ZNF385D: variants seen among roughly 807,000 people sequenced by gnomAD.
ZNF385D encodes zinc finger protein 385D.
Under a neutral mutation model 35.8 loss-of-function variants are expected in ZNF385D, and 15 were observed. That is an observed-to-expected ratio of 0.42 (90% CI 0.28 to 0.64). ZNF385D has a LOEUF of 0.64. Ranked by LOEUF, ZNF385D falls within the 30% of genes least tolerant of loss-of-function variation. ZNF385D has a pLI of 0.23. For synonymous variants in ZNF385D, 212 were observed against 186.8 expected (o/e 1.13, Z -1.10); for missense variants, 474 against 494.6 (o/e 0.96, Z 0.39).
At chr3:22,241,607 C>T (rs1337189057) in intron 2 of ZNF385D, among the ~76,000 whole-genome samples, 1 of 151,126 alleles carries the variant, frequency 6.6e-6, no homozygotes, top group Non-Finnish European at 1.5e-5. Flanking sequence ...TGGCCCTTAA[C>T]AAATTAATTA....
intron 2 of ZNF385D, among the ~76,000 whole-genome samples, chr3:22,186,760 G>C (rs1052404173): frequency 1.3e-5 from 2 of 151,946 alleles, no homozygotes; most frequent in Admixed American, 6.6e-5. Context: ...AATATGTCTT[G>C]TTCAAAAGAA....
intron 1 of ZNF385D, among the ~76,000 whole-genome samples, chr3:21,747,310 T>A (rs2125543797): frequency 6.6e-6 from 1 of 152,326 alleles, no homozygotes; most frequent in East Asian, 1.9e-4. Context: ...TTAATTCTGT[T>A]TAAAGTGTAT....
At chr3:21,440,079 G>A (rs528005235) in intron 4 of ZNF385D, among the ~76,000 whole-genome samples, 1 of 152,092 alleles carries the variant, frequency 6.6e-6, no homozygotes, top group South Asian at 2.1e-4. Flanking sequence ...CCTTTTAACA[G>A]TGATAAAGGG....
intron 3 of ZNF385D, among the ~76,000 whole-genome samples, chr3:22,021,604 G>T (rs1371486757): frequency 6.6e-6 from 1 of 152,032 alleles, no homozygotes; most frequent in Non-Finnish European, 1.5e-5. Context: ...AACACAGGTA[G>T]TGTTTAGCTC....
chr3:22,020,900 T>A (rs1022762253), intron 3 of ZNF385D, among the ~76,000 whole-genome samples: 1 of 151,944 alleles, frequency 6.6e-6, no homozygotes, highest in Non-Finnish European at 1.5e-5. Context: ...GGTCATTAGA[T>A]AAGGAAAATA....
intron 3 of ZNF385D, among the ~76,000 whole-genome samples, chr3:21,858,795 G>A (rs947743580): frequency 6.6e-6 from 1 of 152,006 alleles, no homozygotes; most frequent in Non-Finnish European, 1.5e-5. Flanking sequence ...AGTTCTCCAC[G>A]TAACTCCTCC....
At chr3:21,495,507 A>T (rs1205063790) in intron 4 of ZNF385D, among the ~76,000 whole-genome samples, 2 of 152,316 alleles carry the variant, frequency 1.3e-5, no homozygotes, top group East Asian at 3.9e-4. Flanking sequence ...GAAACTAATG[A>T]GTGCAAAGGT....
intron 3 of ZNF385D, among the ~76,000 whole-genome samples, chr3:21,944,543 A>G (rs1019627145): frequency 6.6e-6 from 1 of 152,344 alleles, no homozygotes; most frequent in South Asian, 2.1e-4. Flanking sequence ...GAAGAGAGTT[A>G]ATTCAAGCAG....
intron 3 of ZNF385D, among the ~76,000 whole-genome samples, chr3:21,959,497 C>A (rs566014659): frequency 6.6e-6 from 1 of 152,252 alleles, no homozygotes; most frequent in East Asian, 1.9e-4. Context: ...GCAATCAACA[C>A]ATTCATTTCA....
At chr3:21,828,353 C>T (rs1045667994) in intron 3 of ZNF385D, among the ~76,000 whole-genome samples, 1 of 152,062 alleles carries the variant, frequency 6.6e-6, no homozygotes, top group African/African-American at 2.4e-5. Flanking sequence ...TAAAATAAGT[C>T]ATATTTTAAA....
At chr3:21,997,884 T>C (rs1695580420) in intron 3 of ZNF385D, among the ~76,000 whole-genome samples, 1 of 149,688 alleles carries the variant, frequency 6.7e-6, no homozygotes, top group African/African-American at 2.4e-5. Context: ...TGTGTGTGTG[T>C]GTGTGTGTGT....
Position 21,959,974 on chromosome 3 carries a change from T to C in ZNF385D, c.325+208843A>G, listed in dbSNP as rs117851509. ...AACATAGGGGAAATTTTTCAGAACA[T>C]TGGAGTAGGCAAATATTTGATGGCT... On this transcript the variant is annotated intron_variant, in intron 3 of 5. Coordinates refer to the ZNF385D transcript ENST00000494108. Among the ~76,000 whole-genome samples the C allele has an allele frequency of 3.0e-3, 445 of 149,360 alleles. 2 individuals carry two copies. The highest frequency in any genetic ancestry group is 0.02 in the East Asian group (103 of 5,096).
chr3:22,178,425 T>C (rs1305839679), intron 2 of ZNF385D, among the ~76,000 whole-genome samples: 1 of 152,208 alleles, frequency 6.6e-6, no homozygotes, highest in Admixed American at 6.5e-5. Flanking sequence ...CACTTGTTGA[T>C]GGGGTTGTTT....
At chr3:21,579,034 T>G (rs1236296203) in intron 2 of ZNF385D, among the ~76,000 whole-genome samples, 2 of 152,184 alleles carry the variant, frequency 1.3e-5, no homozygotes, top group African/African-American at 2.4e-5. Flanking sequence ...CTTTCTATTT[T>G]GATTAGAATC....
chr3:22,048,105 T>C (rs1032247970), intron 3 of ZNF385D, among the ~76,000 whole-genome samples: 1 of 152,168 alleles, frequency 6.6e-6, no homozygotes, highest in Non-Finnish European at 1.5e-5. Flanking sequence ...TACTTACTAT[T>C]GAATTGAGTT....
At chr3:21,650,568 A>T (rs958304296) in intron 2 of ZNF385D, among the ~76,000 whole-genome samples, 12 of 152,162 alleles carry the variant, frequency 7.9e-5, no homozygotes, top group Non-Finnish European at 1.6e-4. Flanking sequence ...TTTAAAACAA[A>T]TTTTTAAAAA....
intron 4 of ZNF385D, among the ~76,000 whole-genome samples, chr3:21,505,960 A>G (rs1191049637): frequency 6.6e-6 from 1 of 152,042 alleles, no homozygotes; most frequent in Non-Finnish European, 1.5e-5. Context: ...CCCTCGAAGT[A>G]CCTATTCTCA....
At chr3:22,162,778 T>C (rs1706047411) in intron 3 of ZNF385D, among the ~76,000 whole-genome samples, 1 of 152,222 alleles carries the variant, frequency 6.6e-6, no homozygotes. Context: ...AATCTGTTAA[T>C]TGACCTCTCT....
At chr3:22,004,446 T>TA (rs1696065108) in intron 3 of ZNF385D, among the ~76,000 whole-genome samples, 1 of 152,078 alleles carries the variant, frequency 6.6e-6, no homozygotes, top group African/African-American at 2.4e-5. Context: ...TATATTAAAC[T>TA]AAAAAGCTTT....
Sources: gnomAD v4.1 joint callset for allele counts (sites outside exome capture counted in the v4.1 genomes callset) on GRCh38, gnomAD v4.1.1 for gene constraint, MANE v1.5 for transcripts, NCBI Gene and HGNC (gene_info 2026-07-23, HGNC 2026-07-21) for gene names.